The following PTK2 variants were observed in gnomAD, a reference collection of about 807,000 sequenced individuals.
PTK2 encodes focal adhesion kinase 1.
PTK2 carries 45 observed loss-of-function variants against 150.1 expected under a neutral mutation model. That is an observed-to-expected ratio of 0.30 (90% CI 0.24 to 0.38). The LOEUF (loss-of-function observed/expected upper bound fraction) is 0.38, where lower values mean the gene tolerates loss of function less well. Among genes scored for constraint, PTK2 ranks in the 10% least tolerant of loss-of-function variants. PTK2 has a pLI of 1.00. For synonymous variants in PTK2, 432 were observed against 449.2 expected (o/e 0.96, Z 0.48); for missense variants, 919 against 1,307.3 (o/e 0.70, Z 4.58).
intron 18 of PTK2, 38 bp from the exon 22 acceptor site, chr8:140,744,805 A>G: frequency 8.4e-7 from 1 of 1,191,134 alleles, no homozygotes; most frequent in Non-Finnish European, 1.2e-6. Context: ...AAAAAAAAAA[A>G]GAATTAGTGG....
intron 13 of PTK2, among the ~76,000 whole-genome samples, chr8:140,790,003 AC>A (rs2100087525): frequency 6.6e-6 from 1 of 152,182 alleles, no homozygotes; most frequent in Non-Finnish European, 1.5e-5. Flanking sequence ...ATGTACTATT[AC>A]CTACATACTT....
At chr8:140,834,148 G>A (rs1274905966) in intron 7 of PTK2, among the ~76,000 whole-genome samples, 1 of 152,162 alleles carries the variant, frequency 6.6e-6, no homozygotes, top group African/African-American at 2.4e-5. Flanking sequence ...GGTGGGGCTG[G>A]GCCAGAGCAA....
intron 5 of PTK2, among the ~76,000 whole-genome samples, chr8:140,851,129 G>T (rs1234500107): frequency 6.6e-6 from 1 of 152,212 alleles, no homozygotes; most frequent in Non-Finnish European, 1.5e-5. Context: ...TACTCTTAGA[G>T]CCTAGCTGAC....
At chr8:140,848,591 C>T (rs2100127131) in intron 5 of PTK2, among the ~76,000 whole-genome samples, 1 of 152,136 alleles carries the variant, frequency 6.6e-6, no homozygotes, top group Non-Finnish European at 1.5e-5. Context: ...GACTGACCAA[C>T]CGGAACTGAA....
exon 4 of PTK2, chr8:140,879,486 G>A: frequency 6.2e-7 from 1 of 1,611,442 alleles, no homozygotes; most frequent in Non-Finnish European, 8.5e-7. Flanking sequence ...CTCCTCTGGT[G>A]GGTGAGCAAG....
At chr8:140,729,967 T>C (rs973802701) in intron 22 of PTK2, among the ~76,000 whole-genome samples, 1 of 152,322 alleles carries the variant, frequency 6.6e-6, no homozygotes, top group Non-Finnish European at 1.5e-5. Context: ...AAATAGTGTA[T>C]AAAAGTTCAT....
chr8:140,912,439 G>A (rs1176292094), intron 2 of PTK2, among the ~76,000 whole-genome samples: 3 of 151,658 alleles, frequency 2.0e-5, no homozygotes, highest in Non-Finnish European at 4.4e-5. Context: ...GATCAGCCTG[G>A]GCAACGTATT....
chr8:140,904,958 T>C (rs562169101), intron 2 of PTK2, among the ~76,000 whole-genome samples: 27 of 152,302 alleles, frequency 1.8e-4, no homozygotes, highest in African/African-American at 9.6e-5. Context: ...CCTGGATTCA[T>C]TGATTTTTGA....
intron 2 of PTK2, chr8:140,921,249 G>A (rs1238870653): frequency 1.9e-6 from 1 of 518,580 alleles, no homozygotes; most frequent in Non-Finnish European, 2.6e-6. Flanking sequence ...AAAGAGGGAG[G>A]GAAAAGAGGG....
At chr8:140,963,073 C>T (rs1315371619) in intron 1 of PTK2, among the ~76,000 whole-genome samples, 2 of 152,086 alleles carry the variant, frequency 1.3e-5, no homozygotes, top group African/African-American at 4.8e-5. Flanking sequence ...TTTCCTCAGC[C>T]CTGTAACAGA....
chr8:140,663,569 G>A (rs1332689390), intron 31 of PTK2, among the ~76,000 whole-genome samples: 5 of 152,158 alleles, frequency 3.3e-5, no homozygotes, highest in Non-Finnish European at 5.9e-5. Flanking sequence ...AACAAATGCA[G>A]GTGCTTCCTT....
chr8:140,970,559 C>T (rs2100186866), intron 1 of PTK2, among the ~76,000 whole-genome samples: 1 of 152,250 alleles, frequency 6.6e-6, no homozygotes, highest in Non-Finnish European at 1.5e-5. Flanking sequence ...ATAATGTCAG[C>T]TCTTCCTGGC....
chr8:140,759,396 TG>T (rs1565804852), intron 16 of PTK2, among the ~76,000 whole-genome samples: 1 of 151,730 alleles, frequency 6.6e-6, no homozygotes, highest in Non-Finnish European at 1.5e-5. Flanking sequence ...TAGCTGGGAA[TG>T]ATGGCACACA....
intron 3 of PTK2, among the ~76,000 whole-genome samples, chr8:140,881,908 T>C (rs753736779): frequency 6.6e-6 from 1 of 152,204 alleles, no homozygotes; most frequent in Non-Finnish European, 1.5e-5. Flanking sequence ...TCCATTCACT[T>C]GATCATGCTG....
chr8:140,816,241 C>T (rs1182532385), intron 10 of PTK2, among the ~76,000 whole-genome samples: 2 of 151,998 alleles, frequency 1.3e-5, no homozygotes, highest in Non-Finnish European at 2.9e-5. Flanking sequence ...CAACATAAGG[C>T]CCAAAACTAT....
intron 22 of PTK2, among the ~76,000 whole-genome samples, chr8:140,723,663 T>C (rs1410292080): frequency 1.3e-5 from 2 of 152,228 alleles, no homozygotes; most frequent in Non-Finnish European, 2.9e-5. Context: ...TAATGTGAAC[T>C]GGCAACAAAT....
At chr8:140,769,437 A>T (rs942289907) in intron 14 of PTK2, 138 bp downstream of exon 16, 8 of 358,302 alleles carry the variant, frequency 2.2e-5, no homozygotes, top group African/African-American at 1.5e-4. Context: ...AGCAATTTTT[A>T]AAATATTTTG....
At chr8:140,801,483 A>G (rs1208030419) in intron 11 of PTK2, among the ~76,000 whole-genome samples, 1 of 152,218 alleles carries the variant, frequency 6.6e-6, no homozygotes, top group Non-Finnish European at 1.5e-5. Flanking sequence ...CTGTTTGGGT[A>G]TGAACCCCAT....
chr8:140,882,618 A>G (rs568629851), intron 3 of PTK2, among the ~76,000 whole-genome samples: 1 of 152,332 alleles, frequency 6.6e-6, no homozygotes, highest in African/African-American at 2.4e-5. Flanking sequence ...CAAGGTTAAA[A>G]TAAAAGCCAG....
Sources: allele counts gnomAD v4.1 joint callset (sites outside exome capture counted in the v4.1 genomes callset), GRCh38; gene constraint gnomAD v4.1.1; transcripts MANE v1.5; gene names NCBI Gene and HGNC (gene_info 2026-07-23, HGNC 2026-07-21).